The following PLXNA2 variants were observed in gnomAD, a reference collection of about 807,000 sequenced individuals.
PLXNA2 encodes the protein plexin A2, also known as plexin-A2.
PLXNA2 carries 91 observed loss-of-function variants against 193.5 expected under a neutral mutation model. The observed-to-expected ratio is 0.47, with a 90% CI of 0.40 to 0.56. The LOEUF is 0.56. PLXNA2 is among the 20% of genes least tolerant of loss of function. PLXNA2 has a pLI of 0.00. For missense variants in PLXNA2, 1,995 were observed against 2,503.2 expected, an observed-to-expected ratio of 0.80 and a Z score of 4.33; for synonymous variants, 997 against 1,027.3, an observed-to-expected ratio of 0.97 and a Z score of 0.56.
chr1:208,216,161 C>G (rs1012834186), intron 2 of PLXNA2, among the ~76,000 whole-genome samples: 1 of 152,162 alleles, frequency 6.6e-6, no homozygotes, highest in Non-Finnish European at 1.5e-5. Flanking sequence ...CCTTACTGTT[C>G]CTCAGACACT....
chr1:208,101,693 C>T (rs920164283), intron 5 of PLXNA2, among the ~76,000 whole-genome samples: 2 of 152,158 alleles, frequency 1.3e-5, no homozygotes, highest in Admixed American at 6.5e-5. Context: ...GGAAAACAGA[C>T]GTCCTTGCTG....
At chr1:208,133,506 C>A (rs1252087612) in intron 4 of PLXNA2, among the ~76,000 whole-genome samples, 5 of 152,206 alleles carry the variant, frequency 3.3e-5, no homozygotes, top group Non-Finnish European at 5.9e-5. Context: ...AGAAAGACAG[C>A]CCTATCTATA....
At chr1:208,184,776 A>T (rs1332160901) in intron 3 of PLXNA2, among the ~76,000 whole-genome samples, 1 of 152,186 alleles carries the variant, frequency 6.6e-6, no homozygotes, top group Admixed American at 6.5e-5. Context: ...CGCCTCATGC[A>T]GTTCCAGGGA....
At chr1:208,091,280 G>A (rs1666698818) in intron 9 of PLXNA2, among the ~76,000 whole-genome samples, 1 of 152,138 alleles carries the variant, frequency 6.6e-6, no homozygotes. Context: ...ACTAAGAAGA[G>A]TTCAAAGGGG....
intron 26 of PLXNA2, among the ~76,000 whole-genome samples, chr1:208,037,472 T>G (rs991646384): frequency 6.6e-6 from 1 of 152,224 alleles, no homozygotes; most frequent in Non-Finnish European, 1.5e-5. Context: ...CAGATCCTTC[T>G]TTCCGAGACA....
intron 3 of PLXNA2, among the ~76,000 whole-genome samples, chr1:208,171,843 G>C (rs1669504046): frequency 6.6e-6 from 1 of 151,914 alleles, no homozygotes; most frequent in Admixed American, 6.6e-5. Flanking sequence ...GTGACAGTGA[G>C]ACCCTGTATA....
chr1:208,160,215 C>G (rs574088901), intron 3 of PLXNA2, among the ~76,000 whole-genome samples: 1 of 46,800 alleles, frequency 2.1e-5, no homozygotes, highest in South Asian at 4.1e-4. Context: ...TTAGTACAAC[C>G]CCCCCCGCCC....
Position 208,210,318 on chromosome 1 carries a change from C to T in PLXNA2, c.1333G>A (p.Val445Met), listed in dbSNP as rs141605287. The change falls in exon 3 of 32, where the codon GTG (valine) becomes ATG (methionine). Residue 445 changes from valine (V) to methionine (M), a missense_variant. Around this residue, in one of 3 missense-constraint regions of PLXNA2, gnomAD observed 702 missense variants for 812.9 expected, o/e 0.86. Transcript: ENST00000367033. Reference protein sequence around the residue: ...VASYVYNGYSVVFVGTKSGKL... With the variant: ...VASYVYNGYSMVFVGTKSGKL... Reference sequence around the variant, plus strand: ...CCACTCTTAGTCCCCACAAAAACCACGCTGTAGCCGTTGTAAACGTAGGAG... The same window carrying T: ...CCACTCTTAGTCCCCACAAAAACCATGCTGTAGCCGTTGTAAACGTAGGAG... 1.7e-5 allele frequency: 28 copies of T among 1,613,936 alleles called. No homozygotes were observed. Among genetic ancestry groups the T allele is most frequent in the Middle Eastern group, 1.6e-4 (1 of 6,062 alleles).
intron 4 of PLXNA2, 135 bp from the exon 5 acceptor site, chr1:208,103,382 G>A (rs1352238552): frequency 1.6e-6 from 1 of 639,014 alleles, no homozygotes. Flanking sequence ...GCAAGTCATG[G>A]CCTCAATGTC....
At chr1:208,037,833 C>T (rs1484599631) in intron 26 of PLXNA2, among the ~76,000 whole-genome samples, 1 of 151,910 alleles carries the variant, frequency 6.6e-6, no homozygotes, top group Non-Finnish European at 1.5e-5. Context: ...GAGCAGGGTT[C>T]ACCAGGAGCC....
chr1:208,167,480 C>T (rs1005596468), intron 3 of PLXNA2, among the ~76,000 whole-genome samples: 1 of 152,150 alleles, frequency 6.6e-6, no homozygotes, highest in African/African-American at 2.4e-5. Context: ...TATTTACTTG[C>T]GTTAATGAGA....
chr1:208,031,797 T>A, intron 28 of PLXNA2, 38 bp from the exon 29 acceptor site: 1 of 1,416,108 alleles, frequency 7.1e-7, no homozygotes, highest in Non-Finnish European at 9.7e-7. Context: ...TGGAGGGGGG[T>A]GACGGCAGGT....
intron 1 of PLXNA2, among the ~76,000 whole-genome samples, chr1:208,233,108 CT>C (rs1300658788): frequency 6.6e-6 from 1 of 152,164 alleles, no homozygotes; most frequent in African/African-American, 2.4e-5. Flanking sequence ...TGGGATAGCT[CT>C]GGCTAATCTC....
At chr1:208,177,944 AGT>A (rs1241487063) in intron 3 of PLXNA2, among the ~76,000 whole-genome samples, 1 of 152,260 alleles carries the variant, frequency 6.6e-6, no homozygotes, top group Non-Finnish European at 1.5e-5. Context: ...ATCTGTGTAC[AGT>A]GTGCACCTGG....
At chr1:208,180,064 C>T (rs956346429) in intron 3 of PLXNA2, among the ~76,000 whole-genome samples, 1 of 152,174 alleles carries the variant, frequency 6.6e-6, no homozygotes, top group Non-Finnish European at 1.5e-5. Flanking sequence ...AGGAAATTAG[C>T]ACAAGGCCCC....
chr1:208,128,755 G>T (rs1403868995), intron 4 of PLXNA2, among the ~76,000 whole-genome samples: 2 of 135,360 alleles, frequency 1.5e-5, no homozygotes, highest in African/African-American at 5.5e-5. Context: ...AGGCTGGAGT[G>T]CAGTGGAGCG....
chr1:208,088,589 C>G (rs539986034), intron 9 of PLXNA2, among the ~76,000 whole-genome samples: 44 of 152,358 alleles, frequency 2.9e-4, no homozygotes, highest in Middle Eastern at 6.8e-3. Context: ...ACAGCCTGAT[C>G]TGACTCAGGG....
At chr1:208,137,648 G>A (rs1365302515) in intron 4 of PLXNA2, among the ~76,000 whole-genome samples, 4 of 152,150 alleles carry the variant, frequency 2.6e-5, no homozygotes, top group Admixed American at 2.6e-4. Flanking sequence ...ATAGGATTGG[G>A]GAATCAGTTC....
chr1:208,037,453 G>C (rs1317423281), intron 26 of PLXNA2, among the ~76,000 whole-genome samples: 3 of 152,206 alleles, frequency 2.0e-5, no homozygotes, highest in Non-Finnish European at 4.4e-5. Context: ...CAGCCTGCCA[G>C]CCCCTCTACA....
Sources: allele counts gnomAD v4.1 joint callset (sites outside exome capture counted in the v4.1 genomes callset), GRCh38; gene constraint gnomAD v4.1.1; regional missense constraint gnomAD v4.1.1; transcripts MANE v1.5; gene names NCBI Gene and HGNC (gene_info 2026-07-23, HGNC 2026-07-21).